The following ANKRD12 variants were observed in gnomAD, a reference collection of about 807,000 sequenced individuals.
ANKRD12 encodes the protein ankyrin repeat domain 12.
In ANKRD12, 85 loss-of-function variants were observed where a neutral mutation model predicts 183.4. The ratio of observed to expected loss-of-function variants is 0.46; its 90% CI spans 0.39 to 0.56. The LOEUF (loss-of-function observed/expected upper bound fraction) is 0.56. ANKRD12 is among the 20% of genes least tolerant of loss of function. The pLI is 0.00. For synonymous variants in ANKRD12, 914 were observed against 800.2 expected, an observed-to-expected ratio of 1.14 and a Z score of -2.40; for missense variants, 2,405 against 2,357.1, an observed-to-expected ratio of 1.02 and a Z score of -0.42.
rs778935401 is a variant in ANKRD12 at position 9,234,929 on chromosome 18, C to T, written c.943+12930C>T. Among the ~76,000 whole-genome samples, 107 of 152,142 alleles carry T rather than the reference C, an allele frequency of 7.0e-4. 1 individual carries two copies. Among genetic ancestry groups the T allele is most frequent in the Non-Finnish European group, 1.1e-3 (78 of 68,016 alleles). On this transcript the variant is annotated intron_variant, in intron 8 of 12. Transcript: ENST00000262126. ...CTCTTTCCCCTGGCCCAATATTGAG[C>T]CCCTCACAGCTGCCAGCAGATCTCA...
rs916158253 is a variant in ANKRD12, at chr18:9,143,532, C to T, written c.-52+6567C>T. On this transcript the variant is annotated intron_variant, in intron 1 of 12. Transcript: ENST00000262126. ...CTGGAGTGTAAAGGCATGATCTTGGCGTACTGCAACCTCCGCCTCCTGGTT... is the reference window on the plus strand; with the variant it reads ...CTGGAGTGTAAAGGCATGATCTTGGTGTACTGCAACCTCCGCCTCCTGGTT... Among the ~76,000 whole-genome samples, 8 of 152,292 alleles carry T rather than the reference C, an allele frequency of 5.3e-5. No individual in the cohort carries two copies. The East Asian group carries it at 1.5e-3, about 29-fold the overall frequency.
intron 1 of ANKRD12, among the ~76,000 whole-genome samples, chr18:9,156,935 T>A (rs1174478405): frequency 2.0e-5 from 3 of 152,244 alleles, no homozygotes; most frequent in Non-Finnish European, 4.4e-5. Flanking sequence ...CTAGAGTAGG[T>A]TCATGGAGAT....
intron 9 of ANKRD12, among the ~76,000 whole-genome samples, chr18:9,262,179 C>T (rs941792749): frequency 5.3e-5 from 8 of 152,030 alleles, no homozygotes; most frequent in Non-Finnish European, 1.0e-4. Flanking sequence ...TGATTTTTGT[C>T]AAGAACTTTT....
intron 11 of ANKRD12, among the ~76,000 whole-genome samples, chr18:9,279,013 G>A (rs1272573435): frequency 6.6e-6 from 1 of 152,010 alleles, no homozygotes; most frequent in Admixed American, 6.6e-5. Context: ...TCAAGATCAC[G>A]TAGTAAGATA....
Position 9,281,251 on chromosome 18 carries a change from G to A in ANKRD12, c.*125G>A. The A allele has an allele frequency of 1.3e-6, 1 of 749,198 alleles. No homozygotes were observed. The highest frequency in any genetic ancestry group is 2.8e-5 in the East Asian group (1 of 36,012). The allele number at this position is 749,198 out of a possible 1,614,324, so 46.4% of individuals were successfully genotyped here. A position where few individuals can be genotyped will look rare whatever the true frequency, so the allele number is the denominator to read the frequency against. ...TGTTAGTAAAGTTCGATTATAGTTG[G>A]TTATGTAGTAAACACTGTCATTTTA... On this transcript the variant is annotated 3_prime_UTR_variant, in exon 13 of 13. Coordinates refer to ENST00000262126, the MANE Select transcript of ANKRD12 (RefSeq NM_015208.5).
chr18:9,221,715 T>C (rs748380562), intron 7 of ANKRD12, 137 bp from the exon 8 acceptor site: 133 of 820,240 alleles, frequency 1.6e-4, no homozygotes, highest in Middle Eastern at 6.0e-4. Context: ...GAATAACGAT[T>C]TAGAGTAGAT....
chr18:9,243,919 T>G (rs1174196277), intron 8 of ANKRD12, among the ~76,000 whole-genome samples: 1 of 152,206 alleles, frequency 6.6e-6, no homozygotes, highest in Non-Finnish European at 1.5e-5. Context: ...GTGGATCACC[T>G]GAGGTCAGGA....
At chr18:9,215,849 G>C (rs1413755401) in intron 6 of ANKRD12, among the ~76,000 whole-genome samples, 1 of 152,058 alleles carries the variant, frequency 6.6e-6, no homozygotes, top group East Asian at 1.9e-4. Flanking sequence ...TATGGATCTT[G>C]GAGAAATTGA....
intron 11 of ANKRD12, 54 bp downstream of exon 11, chr18:9,275,721 G>C (rs2039799361): frequency 7.0e-7 from 1 of 1,422,318 alleles, no homozygotes; most frequent in Non-Finnish European, 9.4e-7. Flanking sequence ...ATGCAACTTG[G>C]CTATTTTTAG....
intron 7 of ANKRD12, among the ~76,000 whole-genome samples, chr18:9,221,411 T>C (rs2036413349): frequency 6.6e-6 from 1 of 152,160 alleles, no homozygotes; most frequent in African/African-American, 2.4e-5. Flanking sequence ...ATTAAGAGCA[T>C]TGACAGTGAT....
At position 9,257,357 on chromosome 18, in the gene ANKRD12, A is replaced by T; in HGVS notation, c.4090A>T (p.Asn1364Tyr). ...VPERDLSNVS[N>Y]IHSSFATSPT... The stretch of plus-strand genomic sequence containing the variant: ...TGAAAGAGACCTTTCAAATGTATCT[A>T]ACATACATTCCAGTTTTGCAACTTC... Residue 1364 changes from asparagine (N) to tyrosine (Y), a missense_variant, in exon 9 of 13, where the codon AAC becomes TAC. By Grantham distance (143) the Asn-to-Tyr change is moderately radical. This residue lies in a region of ANKRD12 where 1,983 missense variants were observed against 1,725.9 expected (regional missense o/e 1.15). Transcript: ENST00000262126. 1.2e-6 allele frequency: 2 copies of T among 1,614,162 alleles called. No individual in the cohort carries two copies. Among genetic ancestry groups the T allele is most frequent in the Non-Finnish European group, 1.7e-6 (2 of 1,180,002 alleles).
At chr18:9,239,792 A>G (rs2037553647) in intron 8 of ANKRD12, among the ~76,000 whole-genome samples, 2 of 152,208 alleles carry the variant, frequency 1.3e-5, no homozygotes, top group African/African-American at 4.8e-5. Flanking sequence ...GATACACTTT[A>G]AGTGTTGAAA....
intron 1 of ANKRD12, among the ~76,000 whole-genome samples, chr18:9,144,008 C>T (rs150203196): frequency 6.6e-6 from 1 of 152,160 alleles, no homozygotes; most frequent in Admixed American, 6.5e-5. Flanking sequence ...TACTTACATA[C>T]CTATATTTGT....
chr18:9,167,867 C>T (rs185192828), intron 1 of ANKRD12, among the ~76,000 whole-genome samples: 141 of 152,210 alleles, frequency 9.3e-4, no homozygotes, highest in South Asian at 5.6e-3. Context: ...TCATACATAG[C>T]TCTTATTGTT....
intron 1 of ANKRD12, among the ~76,000 whole-genome samples, chr18:9,174,571 A>G (rs761269626): frequency 6.6e-6 from 1 of 152,156 alleles, no homozygotes; most frequent in Non-Finnish European, 1.5e-5. Context: ...GTGGGGTTAC[A>G]CAATCACTCA....
At chr18:9,167,998 C>G (rs147243099) in intron 1 of ANKRD12, among the ~76,000 whole-genome samples, 82 of 152,242 alleles carry the variant, frequency 5.4e-4, no homozygotes, top group African/African-American at 1.8e-3. Context: ...GTCTTTGGTT[C>G]TGTTTATATG....
At chr18:9,172,129 A>G (rs1216016918) in intron 1 of ANKRD12, among the ~76,000 whole-genome samples, 1 of 150,856 alleles carries the variant, frequency 6.6e-6, no homozygotes, top group East Asian at 1.9e-4. Context: ...TTCCCTTTGT[A>G]GGTGGCCTGG....
chr18:9,265,680 C>CAG (rs1287310894), intron 10 of ANKRD12, among the ~76,000 whole-genome samples: 2 of 152,036 alleles, frequency 1.3e-5, no homozygotes, highest in Non-Finnish European at 2.9e-5. Context: ...GGGAAAAAAA[C>CAG]AGCAGAAAAA....
At chr18:9,259,036 G>T in intron 9 of ANKRD12, 105 bp downstream of exon 9, 1 of 1,297,466 alleles carries the variant, frequency 7.7e-7, no homozygotes, top group Non-Finnish European at 1.0e-6. Context: ...GATAATTTCA[G>T]CAAAATAATC....
Sources: allele counts gnomAD v4.1 joint callset (sites outside exome capture counted in the v4.1 genomes callset), GRCh38; gene constraint gnomAD v4.1.1; regional missense constraint gnomAD v4.1.1; transcripts MANE v1.5; gene names NCBI Gene and HGNC (gene_info 2026-07-23, HGNC 2026-07-21).